DKK2: variants seen among roughly 807,000 people sequenced by gnomAD.
The protein encoded by DKK2 is dickkopf Wnt signaling pathway inhibitor 2.
A neutral mutation model predicts 28.1 loss-of-function variants in DKK2; 11 were observed. The ratio of observed to expected loss-of-function variants is 0.39; its 90% confidence interval spans 0.25 to 0.65. DKK2 has a LOEUF of 0.65. Ranked by LOEUF, DKK2 falls within the 30% of genes least tolerant of loss-of-function variation. The pLI is 0.47. For missense variants in DKK2, 326 were observed against 335.5 expected (o/e 0.97, Z 0.22); for synonymous variants, 135 against 126.5 (o/e 1.07, Z -0.45).
intron 1 of DKK2, among the ~76,000 whole-genome samples, chr4:107,010,100 C>T (rs1051481747): frequency 1.3e-5 from 2 of 151,614 alleles, no homozygotes; most frequent in African/African-American, 2.4e-5. Context: ...TTTTTCCTTT[C>T]ACGTAAATGA....
chr4:107,002,501 G>A (rs1423289529), intron 1 of DKK2, among the ~76,000 whole-genome samples: 3 of 152,036 alleles, frequency 2.0e-5, no homozygotes, highest in Non-Finnish European at 4.4e-5. Context: ...TCTTCAAAAC[G>A]TGAATGGAAA....
intron 1 of DKK2, among the ~76,000 whole-genome samples, chr4:106,934,054 C>T (rs1023076798): frequency 1.3e-5 from 2 of 148,870 alleles, no homozygotes; most frequent in Non-Finnish European, 3.0e-5. Flanking sequence ...TGCATACACA[C>T]AGATACACAC....
intron 1 of DKK2, among the ~76,000 whole-genome samples, chr4:107,001,664 A>G (rs1029105750): frequency 6.6e-6 from 1 of 152,176 alleles, no homozygotes; most frequent in Non-Finnish European, 1.5e-5. Flanking sequence ...GGTTATTCAC[A>G]GGTTTTAAAG....
In DKK2 at chr4:106,941,012, G is replaced by A. The variant is rs993198698; in HGVS notation, c.223-15063C>T. Among the ~76,000 whole-genome samples the A allele has an allele frequency of 5.9e-5, 9 of 152,120 alleles. 1 individual carries two copies. Among genetic ancestry groups the A allele is most frequent in the Admixed American group, 5.9e-4 (9 of 15,276 alleles). On this transcript the variant is annotated intron_variant, in intron 1 of 3. Transcript: ENST00000285311. ...TTGGGAGATACACCTAATGCTAGAT[G>A]ACGAGTTAGTGGGGGCAGCGCACCA...
intron 1 of DKK2, among the ~76,000 whole-genome samples, chr4:107,034,697 T>C (rs527940200): frequency 2.9e-4 from 44 of 152,266 alleles, no homozygotes; most frequent in Admixed American, 1.5e-3. Context: ...GAAATGCGCG[T>C]CTACTGGAGT....
chr4:107,001,053 T>G (rs1723352370), intron 1 of DKK2, among the ~76,000 whole-genome samples: 1 of 150,504 alleles, frequency 6.6e-6, no homozygotes, highest in Admixed American at 6.7e-5. Flanking sequence ...CTCTCTCTTC[T>G]GACGAAAAAA....
rs183376915 is a variant in DKK2, at chr4:106,943,308, T to C, written c.223-17359A>G. Among the ~76,000 whole-genome samples the C allele has an allele frequency of 1.1e-3, 170 of 152,242 alleles. 1 individual carries two copies. Among genetic ancestry groups the C allele is most frequent in the African/African-American group, 3.9e-3 (164 of 41,550 alleles). Reference sequence around the variant, plus strand: ...GTAAGGAAATCATCTTTCATTTCTGTATCTTCAGTGGCCACATTATACCTG... The same window carrying C: ...GTAAGGAAATCATCTTTCATTTCTGCATCTTCAGTGGCCACATTATACCTG... On this transcript the variant is annotated intron_variant, in intron 1 of 3. Transcript: ENST00000285311.
At chr4:106,962,537 G>T (rs1387774945) in intron 1 of DKK2, among the ~76,000 whole-genome samples, 1 of 143,298 alleles carries the variant, frequency 7.0e-6, no homozygotes, top group African/African-American at 2.7e-5. Flanking sequence ...GTGTGTGTGT[G>T]TGTGTGTGTG....
intron 1 of DKK2, among the ~76,000 whole-genome samples, chr4:107,005,861 T>C (rs1723430976): frequency 6.6e-6 from 1 of 152,222 alleles, no homozygotes; most frequent in Admixed American, 6.5e-5. Context: ...CAAGAAGTTG[T>C]TCAGCCTCAT....
chr4:106,958,852 A>AAAAG (rs1553921904), intron 1 of DKK2, among the ~76,000 whole-genome samples: 95 of 147,614 alleles, frequency 6.4e-4, no homozygotes, highest in Non-Finnish European at 9.1e-4. Flanking sequence ...AAAAAAAAAA[A>AAAAG]AAAGAAAGAA....
At chr4:107,017,461 G>A (rs1332116206) in intron 1 of DKK2, among the ~76,000 whole-genome samples, 1 of 151,992 alleles carries the variant, frequency 6.6e-6, no homozygotes, top group African/African-American at 2.4e-5. Flanking sequence ...ATTAGAGAGA[G>A]AGAATCAGAG....
chr4:106,958,686 A>C (rs1356818962), intron 1 of DKK2, among the ~76,000 whole-genome samples: 1 of 151,846 alleles, frequency 6.6e-6, no homozygotes, highest in Non-Finnish European at 1.5e-5. Context: ...AAATGCAAAA[A>C]ATTAGCCGGA....
At chr4:107,021,162 T>C (rs1418578147) in intron 1 of DKK2, among the ~76,000 whole-genome samples, 1 of 152,106 alleles carries the variant, frequency 6.6e-6, no homozygotes, top group Non-Finnish European at 1.5e-5. Flanking sequence ...GAATGTTTAT[T>C]AGAGTTTCAA....
rs982729243 is a variant in DKK2, at chr4:107,036,174, C to T, written c.-583G>A. 1 of 152,690 alleles carries T rather than the reference C, an allele frequency of 6.5e-6. No individual in the cohort carries two copies. Among genetic ancestry groups the T allele is most frequent in the East Asian group, 1.9e-4 (1 of 5,164 alleles). The allele number at this position is 152,690 out of a possible 1,614,324, so 9.5% of individuals were successfully genotyped here. Reference sequence around the variant, plus strand: ...TCGAGATCTGAAGAGAATCGAGGTCCCCCACACGCGCACTCACAGTTGCCC... The same window carrying T: ...TCGAGATCTGAAGAGAATCGAGGTCTCCCACACGCGCACTCACAGTTGCCC... On this transcript the variant is annotated 5_prime_UTR_variant, in exon 1 of 4. Coordinates refer to ENST00000285311, the MANE Select transcript of DKK2 (RefSeq NM_014421.3).
chr4:106,923,931 T>C lies in DKK2; in HGVS notation c.*23A>G, dbSNP rs1724385172. On this transcript the variant is annotated 3_prime_UTR_variant, in exon 4 of 4. Coordinates refer to ENST00000285311, the MANE Select transcript of DKK2 (RefSeq NM_014421.3). ...AAATACACAACTTCACAGTCTGCAA[T>C]TGATGATGTTCCTCAATGGTGATCA... The C allele has an allele frequency of 1.2e-6, 2 of 1,609,228 alleles. No homozygotes were observed. Among genetic ancestry groups the C allele is most frequent in the Non-Finnish European group, 8.5e-7 (1 of 1,175,812 alleles).
chr4:107,003,233 T>C (rs1427629354), intron 1 of DKK2, among the ~76,000 whole-genome samples: 1 of 152,182 alleles, frequency 6.6e-6, no homozygotes, highest in Non-Finnish European at 1.5e-5. Context: ...GTGCCAACTA[T>C]ACTGAGGAAC....
chr4:107,003,724 G>A (rs761091363), intron 1 of DKK2, among the ~76,000 whole-genome samples: 2 of 152,176 alleles, frequency 1.3e-5, no homozygotes, highest in African/African-American at 2.4e-5. Context: ...CATATCATCA[G>A]TAGTATAAAA....
In DKK2 at chr4:106,924,059, C is replaced by T; in HGVS notation, c.675G>A (p.Leu225=). The T allele has an allele frequency of 1.2e-6, 2 of 1,613,948 alleles. No homozygotes were observed. The highest frequency in any genetic ancestry group is 2.2e-5 in the South Asian group (2 of 91,066). ...CACAGTCGCAACGCTGGAAAATTTC[C>T]AGCCCATGAGAACCCTTCTTGCGTT... ...TKQRKKGSHG[L]EIFQRCDCAK... Residue 225 remains leucine (L), a synonymous_variant, in exon 4 of 4, where the codon CTG becomes CTA. Coordinates refer to ENST00000285311, the MANE Select transcript of DKK2 (RefSeq NM_014421.3).
intron 1 of DKK2, among the ~76,000 whole-genome samples, chr4:107,012,201 T>A (rs1723527497): frequency 6.6e-6 from 1 of 151,378 alleles, no homozygotes; most frequent in Non-Finnish European, 1.5e-5. Flanking sequence ...ACACAGATTT[T>A]AAAGAAATTA....
Sources: gnomAD v4.1 joint callset for allele counts (sites outside exome capture counted in the v4.1 genomes callset) on GRCh38, gnomAD v4.1.1 for gene constraint, MANE v1.5 for transcripts, NCBI Gene and HGNC (gene_info 2026-07-23, HGNC 2026-07-21) for gene names.